The following SYTL2 variants were observed in gnomAD, a reference collection of about 807,000 sequenced individuals.
SYTL2 encodes the protein synaptotagmin like 2.
Under a neutral mutation model 198.7 loss-of-function variants are expected in SYTL2, and 165 were observed. The observed-to-expected ratio is 0.83, with a 90% confidence interval of 0.73 to 0.94. The LOEUF (loss-of-function observed/expected upper bound fraction) is 0.94, where lower values mean the gene tolerates loss of function less well. SYTL2 is among the 40% of genes least tolerant of loss of function. The probability of loss-of-function intolerance (pLI) is 0.00; values close to 1 mark genes in which losing one functional copy is unlikely to be tolerated. For missense variants in SYTL2, 2,835 were observed against 2,582.8 expected, an observed-to-expected ratio of 1.10 and a Z score of -2.12; for synonymous variants, 966 against 917.7, an observed-to-expected ratio of 1.05 and a Z score of -0.95.
At chr11:85,833,003 AAAGAAAG>A in the SYTL2 span, among the ~76,000 whole-genome samples, 1 of 89,992 alleles carries the variant, frequency 1.1e-5, no homozygotes, top group South Asian at 3.3e-4. Context: ...CTCAAAAAAA[AAAGAAAG>A]AAAAGAAAGA....
At position 85,707,440 on chromosome 11, in the gene SYTL2, C is replaced by T. The variant is rs372798070; in HGVS notation, c.6007G>A (p.Glu2003Lys). The T allele has an allele frequency of 4.7e-5, 76 of 1,612,724 alleles. 1 individual carries two copies. In the East Asian group the frequency reaches 1.2e-3, roughly 26 times the overall value. ...GAGTTCATAGATACCCGCAGTATTT[C>T]GTTATACACAGGATTCAAGGTTTTC... ...VKKTLNPVYN[E>K]ILRYKIEKQI... Residue 2003 changes from glutamate to lysine, a missense_variant, in exon 15 of 20, where the codon GAA (glutamate) becomes AAA (lysine). Glu to Lys is a moderately conservative substitution (Grantham distance 56). This residue lies in a region of SYTL2 where 2,645 missense variants were observed against 2,381.7 expected (regional missense o/e 1.11). Coordinates refer to ENST00000359152, the MANE Select transcript of SYTL2 (RefSeq NM_206927.4).
chr11:85,757,241 A>T (rs921956275), intron 2 of SYTL2, among the ~76,000 whole-genome samples: 152 of 152,110 alleles, frequency 1.0e-3, no homozygotes, highest in African/African-American at 3.4e-3. Context: ...AATTCTAAAA[A>T]TTTTTTAAAA....
rs370172169 is a variant in SYTL2, at chr11:85,729,803, C to T, written c.1391-1836G>A. ...TTCAAAAAATCAATGAATCCAGGAG[C>T]AGGTTCAGGTTTTTTGAAAAGATCA... On this transcript the variant is annotated intron_variant, in intron 7 of 19. Transcript: ENST00000359152. 7.2e-5 allele frequency among the ~76,000 whole-genome samples: 11 copies of T among 152,212 alleles called. 2 individuals carry two copies. Among genetic ancestry groups the T allele is most frequent in the Admixed American group, 3.9e-4 (6 of 15,296 alleles).
chr11:85,852,381 G>GTCTCCC, the SYTL2 span, among the ~76,000 whole-genome samples: 1 of 151,818 alleles, frequency 6.6e-6, no homozygotes, highest in Non-Finnish European at 1.5e-5. Flanking sequence ...TCTCCCCACG[G>GTCTCCC]TCTCCCTCTC....
intron 13 of SYTL2, among the ~76,000 whole-genome samples, chr11:85,710,623 A>T (rs1013414313): frequency 6.6e-6 from 1 of 152,218 alleles, no homozygotes; most frequent in African/African-American, 2.4e-5. Flanking sequence ...AATCTGAGTA[A>T]CTACACTTAA....
chr11:85,802,437 CTCT>C (rs2092904320), intron 1 of SYTL2, among the ~76,000 whole-genome samples: 1 of 152,060 alleles, frequency 6.6e-6, no homozygotes, highest in Non-Finnish European at 1.5e-5. Context: ...AGCCCTCAGT[CTCT>C]TCTTAACCTA....
intron 2 of SYTL2, among the ~76,000 whole-genome samples, chr11:85,755,581 T>G (rs2091816053): frequency 6.6e-6 from 1 of 152,190 alleles, no homozygotes; most frequent in African/African-American, 2.4e-5. Context: ...AGTTGTAGAT[T>G]GGCTGATGCC....
At chr11:85,786,458 G>C (rs2092637726) in intron 1 of SYTL2, among the ~76,000 whole-genome samples, 1 of 152,176 alleles carries the variant, frequency 6.6e-6, no homozygotes. Context: ...ATATACTATA[G>C]TTGTACAAAA....
intron 1 of SYTL2, 44 bp downstream of exon 1, chr11:85,810,910 A>T (rs1029662418): frequency 3.9e-5 from 6 of 152,318 alleles, no homozygotes; most frequent in African/African-American, 1.4e-4. Flanking sequence ...GCCCGAGGTA[A>T]CACAGCGAGT....
rs890572607 is a variant in SYTL2, at chr11:85,714,465, G to C, written c.5573C>G (p.Pro1858Arg). 5 of 1,613,696 alleles carry C rather than the reference G, an allele frequency of 3.1e-6. No homozygotes were observed. In the African/African-American group the frequency reaches 5.3e-5, roughly 17 times the overall value. The change falls in exon 12 of 20, where the codon CCT becomes CGT. Residue 1858 changes from proline to arginine, a missense_variant. Around this residue, in one of 3 missense-constraint regions of SYTL2, gnomAD observed 2,645 missense variants for 2,381.7 expected, o/e 1.11. Transcript: ENST00000359152. Reference protein sequence around the residue: ...PTQPDNPFSHPDKLKRMSKSV... With the variant: ...PTQPDNPFSHRDKLKRMSKSV... ...CTTGCTCATCCTTTTGAGTTTGTCA[G>C]GGTGAGAAAATGGATTATCAGGTTG...
In SYTL2 at chr11:85,709,444, T is replaced by G. The variant is rs1156673261; in HGVS notation, c.5802A>C (p.Lys1934Asn). 1 of 1,614,014 alleles carries G rather than the reference T, an allele frequency of 6.2e-7. No homozygotes were observed. Among genetic ancestry groups the G allele is most frequent in the African/African-American group, 1.3e-5 (1 of 74,946 alleles). ...YSGDFGNLEV[K>N]GNIQFAIEYV... ...ATTCAATTGCAAACTGAATATTTCC[T>G]TTAACTTCCAGATTGCCAAAGTCTC... is the stretch of plus-strand genomic sequence containing the variant. Residue 1934 changes from lysine (K) to asparagine (N), a missense_variant, in exon 14 of 20, where the codon AAA (lysine) becomes AAC (asparagine). Transcript: ENST00000359152.
At position 85,758,008 on chromosome 11, in the gene SYTL2, G is replaced by T. The variant is rs113461390; in HGVS notation, c.-283C>A. 5.0e-4 allele frequency: 174 copies of T among 347,234 alleles called. No individual in the cohort carries two copies. The highest frequency in any genetic ancestry group is 3.2e-3 in the African/African-American group (157 of 48,686). The allele number at this position is 347,234 out of a possible 1,614,324, so 21.5% of individuals were successfully genotyped here. ...GCCAAACAGGTCGCTTGTTCCTATG[G>T]TGGCTTCCAGCACACTCACTCTCTG... is the stretch of plus-strand genomic sequence containing the variant. On this transcript the variant is annotated 5_prime_UTR_variant, in exon 2 of 20. Transcript: ENST00000359152.
intron 19 of SYTL2, among the ~76,000 whole-genome samples, chr11:85,695,857 T>C (rs1228030267): frequency 1.3e-5 from 2 of 152,226 alleles, no homozygotes; most frequent in Non-Finnish European, 2.9e-5. Context: ...AAAAATGTTA[T>C]TGTTATTACT....
chr11:85,813,492 G>T (rs2093057627), upstream of SYTL2, among the ~76,000 whole-genome samples: 1 of 152,174 alleles, frequency 6.6e-6, no homozygotes, highest in Admixed American at 6.5e-5. Flanking sequence ...CTTCAAAATG[G>T]TTTACATATA....
chr11:85,775,594 T>C (rs1439855566), intron 1 of SYTL2, among the ~76,000 whole-genome samples: 1 of 152,180 alleles, frequency 6.6e-6, no homozygotes, highest in African/African-American at 2.4e-5. Flanking sequence ...GTGATTCTCC[T>C]GCCCCAGCGT....
chr11:85,849,190 G>A, the SYTL2 span, among the ~76,000 whole-genome samples: 1 of 152,154 alleles, frequency 6.6e-6, no homozygotes, highest in Non-Finnish European at 1.5e-5. Flanking sequence ...CTGGATATTA[G>A]CCCTTTGTCA....
chr11:85,854,287 A>G, the SYTL2 span: 2 of 142,116 alleles, frequency 1.4e-5, no homozygotes, highest in Non-Finnish European at 3.1e-5. Flanking sequence ...ATTTCCACTC[A>G]TTAAAAAAAA....
At chr11:85,792,228 G>T (rs975229519) in intron 1 of SYTL2, among the ~76,000 whole-genome samples, 2 of 151,952 alleles carry the variant, frequency 1.3e-5, no homozygotes, top group Admixed American at 6.6e-5. Flanking sequence ...TCTAGTGGGT[G>T]GTGATCTTCA....
upstream of SYTL2, among the ~76,000 whole-genome samples, chr11:85,811,554 G>A (rs1169666461): frequency 6.6e-6 from 1 of 152,194 alleles, no homozygotes; most frequent in Non-Finnish European, 1.5e-5. Context: ...GGGGCGCGGA[G>A]GGTATGGAGC....
Sources: gnomAD v4.1 joint callset for allele counts (sites outside exome capture counted in the v4.1 genomes callset) on GRCh38, gnomAD v4.1.1 for gene constraint, gnomAD v4.1.1 regional missense constraint, MANE v1.5 for transcripts, NCBI Gene and HGNC (gene_info 2026-07-23, HGNC 2026-07-21) for gene names.